The following SLC17A1 variants were observed in gnomAD, a reference collection of about 807,000 sequenced individuals.
SLC17A1 encodes sodium-dependent phosphate transport protein 1.
Under a neutral mutation model 53.5 loss-of-function variants are expected in SLC17A1, and 51 were observed. The ratio of observed to expected loss-of-function variants is 0.95; its 90% CI spans 0.76 to 1.20. SLC17A1 has a LOEUF of 1.20. Among genes scored for constraint, SLC17A1 ranks in the 50% most tolerant of loss-of-function variants. The pLI is 0.00. For synonymous variants in SLC17A1, 179 were observed against 198.8 expected, an observed-to-expected ratio of 0.90 and a Z score of 0.84; for missense variants, 538 against 568.2, an observed-to-expected ratio of 0.95 and a Z score of 0.54.
chr6:25,808,869 A>G (rs1193975659), intron 10 of SLC17A1, among the ~76,000 whole-genome samples: 1 of 152,084 alleles, frequency 6.6e-6, no homozygotes, highest in East Asian at 1.9e-4. Context: ...CACAAATAGA[A>G]CTACCATTAG....
At chr6:25,819,216 T>C in intron 5 of SLC17A1, 62 bp from the exon 6 acceptor site, 1 of 1,171,022 alleles carries the variant, frequency 8.5e-7, no homozygotes, top group South Asian at 1.5e-5. Flanking sequence ...AGAGATAATG[T>C]AGCCTCACTG....
Position 25,826,614 on chromosome 6 carries a change from A to G in SLC17A1, c.54T>C (p.Phe18=). ...PPKKVPGFCS[F]RYGLSFLVHC... ...GCACAAGGAAAGACAATCCATAGCG[A>G]AAGGAACAGAAACCTGGAACTACAA... Residue 18 remains phenylalanine (F), a synonymous_variant, in exon 3 of 13, where the codon TTT becomes TTC. Coordinates refer to ENST00000244527, the MANE Select transcript of SLC17A1 (RefSeq NM_005074.5). 5 of 1,574,880 alleles carry G rather than the reference A, an allele frequency of 3.2e-6. No individual in the cohort carries two copies. Among genetic ancestry groups the G allele is most frequent in the Non-Finnish European group, 3.5e-6 (4 of 1,159,176 alleles).
intron 6 of SLC17A1, among the ~76,000 whole-genome samples, chr6:25,817,156 C>T (rs1225633577): frequency 1.3e-5 from 2 of 152,032 alleles, no homozygotes; most frequent in African/African-American, 2.4e-5. Context: ...GCTGGCCAGG[C>T]CATTTTAAGT....
chr6:25,732,698 AACG>A, the SLC17A1 span: 1 of 1,349,550 alleles, frequency 7.4e-7, no homozygotes, highest in Non-Finnish European at 1.0e-6. Context: ...GGCCATCCGC[AACG>A]ACAAGGAGCT....
At chr6:25,732,649 C>A in the SLC17A1 span, 1 of 1,296,696 alleles carries the variant, frequency 7.7e-7, no homozygotes, top group Non-Finnish European at 1.1e-6. Context: ...GCCGTCGGAA[C>A]AAGAAGAAGA....
At chr6:25,732,393 G>C in the SLC17A1 span, 4 of 269,780 alleles carry the variant, frequency 1.5e-5, no homozygotes, top group South Asian at 4.8e-5. Context: ...AATACGCTGA[G>C]TACCCGTTTT....
chr6:25,727,178 C>G, the SLC17A1 span: 2 of 1,614,132 alleles, frequency 1.2e-6, no homozygotes, highest in African/African-American at 2.7e-5. Flanking sequence ...AGCGCTCCAC[C>G]ATTTCTTCCA....
chr6:25,758,608 T>C, the SLC17A1 span, among the ~76,000 whole-genome samples: 1 of 152,216 alleles, frequency 6.6e-6, no homozygotes, highest in African/African-American at 2.4e-5. Context: ...TGAATGATAT[T>C]TTGTATTTCT....
the SLC17A1 span, chr6:25,773,631 C>A: frequency 6.2e-7 from 1 of 1,613,892 alleles, no homozygotes; most frequent in Non-Finnish European, 8.5e-7. Flanking sequence ...ATGGCGTACA[C>A]ACCAACGTAC....
chr6:25,802,935 C>CTTTTTTGTTTTTTT (rs1763826045), intron 10 of SLC17A1, among the ~76,000 whole-genome samples: 1 of 46,062 alleles, frequency 2.2e-5, no homozygotes, highest in African/African-American at 9.0e-5. Context: ...CTATCTTCTT[C>CTTTTTTGTTTTTTT]TTTTTTTTTT....
the SLC17A1 span, chr6:25,776,828 C>T: frequency 3.8e-3 from 6,091 of 1,613,926 alleles, 165 homozygotes; most frequent in African/African-American, 0.062. Flanking sequence ...TCTTCCCATC[C>T]GTGATCCTCG....
chr6:25,791,602 T>C (rs1763501797), intron 12 of SLC17A1, among the ~76,000 whole-genome samples: 1 of 152,176 alleles, frequency 6.6e-6, no homozygotes, highest in African/African-American at 2.4e-5. Flanking sequence ...GCAATAAACG[T>C]CTACAGATGA....
chr6:25,764,182 C>T, the SLC17A1 span, among the ~76,000 whole-genome samples: 1 of 152,154 alleles, frequency 6.6e-6, no homozygotes, highest in East Asian at 1.9e-4. Context: ...TTGAGTTCGG[C>T]CTGCCACCTT....
intron 10 of SLC17A1, 47 bp downstream of exon 10, chr6:25,811,351 A>G: frequency 6.5e-7 from 1 of 1,539,914 alleles, no homozygotes; most frequent in East Asian, 2.3e-5. Context: ...AATATATACA[A>G]TATTTATTTG....
At chr6:25,788,379 C>A (rs1201148940) in intron 12 of SLC17A1, among the ~76,000 whole-genome samples, 1 of 152,156 alleles carries the variant, frequency 6.6e-6, no homozygotes, top group Non-Finnish European at 1.5e-5. Flanking sequence ...GTGGTGCCCT[C>A]TTTTCTTGGT....
the SLC17A1 span, among the ~76,000 whole-genome samples, chr6:25,752,916 C>A: frequency 6.6e-6 from 1 of 151,126 alleles, no homozygotes; most frequent in South Asian, 2.1e-4. Flanking sequence ...CACGCCACTG[C>A]AGTCCAGCCT....
intron 12 of SLC17A1, among the ~76,000 whole-genome samples, chr6:25,785,074 T>C (rs1763351991): frequency 6.6e-6 from 1 of 152,096 alleles, no homozygotes; most frequent in African/African-American, 2.4e-5. Flanking sequence ...ACAAGATCAA[T>C]ATACAAAAGT....
At chr6:25,806,115 GA>G (rs1763945072) in intron 10 of SLC17A1, among the ~76,000 whole-genome samples, 2 of 151,970 alleles carry the variant, frequency 1.3e-5, no homozygotes, top group South Asian at 4.1e-4. Context: ...GAACATAGAT[GA>G]AAAATCCTCC....
At chr6:25,758,670 A>G in the SLC17A1 span, among the ~76,000 whole-genome samples, 1 of 151,842 alleles carries the variant, frequency 6.6e-6, no homozygotes, top group Non-Finnish European at 1.5e-5. Flanking sequence ...GCTTATTTGG[A>G]TCTTCTCTCT....
Sources: allele counts gnomAD v4.1 joint callset (sites outside exome capture counted in the v4.1 genomes callset), GRCh38; gene constraint gnomAD v4.1.1; transcripts MANE v1.5; gene names NCBI Gene and HGNC (gene_info 2026-07-23, HGNC 2026-07-21).